Variants in KCNH1 observed in about 807,000 individuals in gnomAD.
KCNH1 encodes potassium voltage-gated channel subfamily H member 1.
KCNH1 carries 27 observed loss-of-function variants against 69.2 expected under a neutral mutation model. The observed-to-expected ratio is 0.39, with a 90% CI of 0.29 to 0.54. The LOEUF is 0.54. KCNH1 is among the 20% of genes least tolerant of loss of function. The pLI, the probability that KCNH1 is intolerant of heterozygous loss-of-function variation, is 0.68. For missense variants in KCNH1, 798 were observed against 1,261.6 expected, an observed-to-expected ratio of 0.63 and a Z score of 5.57; for synonymous variants, 456 against 487.7, an observed-to-expected ratio of 0.93 and a Z score of 0.86.
chr1:210,993,432 A>G (rs1353399994), intron 6 of KCNH1, among the ~76,000 whole-genome samples: 1 of 152,214 alleles, frequency 6.6e-6, no homozygotes, highest in Non-Finnish European at 1.5e-5. Flanking sequence ...AAAAGGTAAC[A>G]GTACACAAAG....
intron 6 of KCNH1, among the ~76,000 whole-genome samples, chr1:210,936,016 G>A (rs1353799680): frequency 5.3e-5 from 8 of 152,170 alleles, no homozygotes; most frequent in African/African-American, 1.7e-4. Context: ...TTCTCTGCTC[G>A]ATTTTATTTT....
chr1:211,130,423 G>A (rs570531073), intron 1 of KCNH1, among the ~76,000 whole-genome samples: 4 of 152,192 alleles, frequency 2.6e-5, no homozygotes, highest in South Asian at 2.1e-4. Flanking sequence ...AGTCGCAGCC[G>A]GTCAACACTG....
intron 6 of KCNH1, among the ~76,000 whole-genome samples, chr1:210,995,201 A>C (rs964429288): frequency 6.6e-6 from 1 of 152,166 alleles, no homozygotes. Flanking sequence ...CTTCCAAAAA[A>C]TCTTTAAAAG....
At chr1:211,095,001 G>A (rs942352321) in intron 3 of KCNH1, among the ~76,000 whole-genome samples, 1 of 152,116 alleles carries the variant, frequency 6.6e-6, no homozygotes, top group Non-Finnish European at 1.5e-5. Flanking sequence ...TCTACCCTCC[G>A]AGGATATTCA....
chr1:211,023,473 T>TA (rs1239399008), intron 5 of KCNH1, among the ~76,000 whole-genome samples: 2 of 151,336 alleles, frequency 1.3e-5, no homozygotes, highest in Non-Finnish European at 2.9e-5. Flanking sequence ...TATTTGGCCA[T>TA]AAAAAAAGAA....
At chr1:211,107,513 G>A in intron 1 of KCNH1, 136 bp from the exon 2 acceptor site, 1 of 871,870 alleles carries the variant, frequency 1.1e-6, no homozygotes, top group Non-Finnish European at 1.7e-6. Context: ...GAACAGAAAT[G>A]TCGCCCTGTA....
At chr1:210,718,161 A>G (rs1682309605) in intron 10 of KCNH1, among the ~76,000 whole-genome samples, 1 of 148,156 alleles carries the variant, frequency 6.7e-6, no homozygotes, top group Non-Finnish European at 1.5e-5. Flanking sequence ...AATTAATTTT[A>G]ATGTTTTATT....
At chr1:210,739,550 T>C (rs1307390831) in intron 10 of KCNH1, among the ~76,000 whole-genome samples, 1 of 152,218 alleles carries the variant, frequency 6.6e-6, no homozygotes, top group African/African-American at 2.4e-5. Flanking sequence ...ACCCTGAACA[T>C]GCACTGCTGG....
intron 4 of KCNH1, among the ~76,000 whole-genome samples, chr1:211,089,197 T>G (rs1028304556): frequency 1.3e-5 from 2 of 152,228 alleles, no homozygotes; most frequent in Non-Finnish European, 2.9e-5. Flanking sequence ...ATGAGTTTAT[T>G]AGGTTAAAAA....
At chr1:210,880,242 T>G (rs1255974133) in intron 7 of KCNH1, among the ~76,000 whole-genome samples, 3 of 152,142 alleles carry the variant, frequency 2.0e-5, no homozygotes, top group Non-Finnish European at 4.4e-5. Flanking sequence ...AAGCTGATTC[T>G]AAAGTTTATA....
intron 6 of KCNH1, among the ~76,000 whole-genome samples, chr1:210,932,052 C>T (rs1045443660): frequency 2.0e-5 from 3 of 152,026 alleles, no homozygotes; most frequent in African/African-American, 7.2e-5. Flanking sequence ...AGAAAACCCA[C>T]GTAATGAAAT....
chr1:210,861,227 T>C, intron 7 of KCNH1: 1 of 976,642 alleles, frequency 1.0e-6, no homozygotes, highest in Non-Finnish European at 1.7e-6. Context: ...AATAACATCT[T>C]GGATAATGCC....
intron 7 of KCNH1, among the ~76,000 whole-genome samples, chr1:210,865,307 T>C (rs944817834): frequency 6.6e-6 from 1 of 152,206 alleles, no homozygotes; most frequent in South Asian, 2.1e-4. Context: ...TGCAAGGTAA[T>C]TTATTATTAC....
intron 5 of KCNH1, among the ~76,000 whole-genome samples, chr1:211,039,292 C>T (rs1558578595): frequency 6.6e-6 from 1 of 152,222 alleles, no homozygotes; most frequent in Non-Finnish European, 1.5e-5. Context: ...TCAGAAGATA[C>T]ATGGAAATGC....
At chr1:211,071,266 T>TG (rs1461173808) in intron 5 of KCNH1, among the ~76,000 whole-genome samples, 2 of 152,242 alleles carry the variant, frequency 1.3e-5, no homozygotes, top group Non-Finnish European at 2.9e-5. Flanking sequence ...CTTTTTCTTG[T>TG]AACTAGTGCC....
At chr1:211,068,797 G>A (rs1042778691) in intron 5 of KCNH1, among the ~76,000 whole-genome samples, 3 of 152,270 alleles carry the variant, frequency 2.0e-5, no homozygotes, top group African/African-American at 4.8e-5. Context: ...CAACTGGCCC[G>A]AGCAGACAGG....
rs540271686 is a variant in KCNH1, at chr1:210,793,618, A to G, written c.1915+3890T>C. On this transcript the variant is annotated intron_variant, in intron 9 of 10. Coordinates refer to ENST00000271751, the MANE Select transcript of KCNH1 (RefSeq NM_172362.3). ...GCATCTGTGCTAAAATTAAACAGAGAATGTGAGTGGAATATTAGAACTGGA... is the reference window on the plus strand; with the variant it reads ...GCATCTGTGCTAAAATTAAACAGAGGATGTGAGTGGAATATTAGAACTGGA... Among the ~76,000 whole-genome samples the G allele has an allele frequency of 3.8e-4, 58 of 152,364 alleles. No homozygotes were observed. In the South Asian group the frequency reaches 0.012, roughly 30 times the overall value.
intron 3 of KCNH1, among the ~76,000 whole-genome samples, chr1:211,091,908 CTA>C (rs1444957930): frequency 6.6e-5 from 10 of 152,310 alleles, no homozygotes; most frequent in African/African-American, 2.2e-4. Context: ...CCAATTTATT[CTA>C]TGATACAAAA....
At chr1:210,797,431 G>A in intron 9 of KCNH1, 77 bp downstream of exon 9, 9 of 1,496,098 alleles carry the variant, frequency 6.0e-6, no homozygotes, top group South Asian at 3.6e-5. Flanking sequence ...CTAACTGAAG[G>A]TGGCAGTGGC....
Sources: gnomAD v4.1 joint callset for allele counts (sites outside exome capture counted in the v4.1 genomes callset) on GRCh38, gnomAD v4.1.1 for gene constraint, MANE v1.5 for transcripts, NCBI Gene and HGNC (gene_info 2026-07-23, HGNC 2026-07-21) for gene names.